AQP7: variants seen among roughly 807,000 people sequenced by gnomAD.
The protein encoded by AQP7 is aquaporin-7.
In AQP7, 22 loss-of-function variants were observed where a neutral mutation model predicts 26.1. The ratio of observed to expected loss-of-function variants is 0.84; its 90% CI spans 0.60 to 1.20. The LOEUF is 1.20. AQP7 is among the 50% of genes most tolerant of loss of function. The pLI, the probability that AQP7 is intolerant of heterozygous loss-of-function variation, is 0.00. For synonymous variants in AQP7, 167 were observed against 181.7 expected, an observed-to-expected ratio of 0.92 and a Z score of 0.65; for missense variants, 412 against 457.5, an observed-to-expected ratio of 0.90 and a Z score of 0.91.
At chr9:33,390,085 C>T (rs1825246830) in intron 3 of AQP7, among the ~76,000 whole-genome samples, 1 of 149,524 alleles carries the variant, frequency 6.7e-6, no homozygotes, top group South Asian at 2.1e-4. Flanking sequence ...CCAGTGTAGA[C>T]TCCTCTTCGA....
At position 33,395,161 on chromosome 9, in the gene AQP7, C is replaced by A; in HGVS notation, c.61G>T (p.Val21Leu). 1 of 1,613,964 alleles carries A rather than the reference C, an allele frequency of 6.2e-7. No individual in the cohort carries two copies. The highest frequency in any genetic ancestry group is 1.1e-5 in the South Asian group (1 of 91,082). ...TRGSKMVSWS[V>L]IAKIQEILQR... ...AGTATTTCCTGGATCTTTGCTATCA[C>A]GGACCAGGAGACCATTTTGGAGCCA... Residue 21 changes from valine to leucine, a missense_variant, in exon 3 of 8, where the codon GTG becomes TTG. By Grantham distance (32) the Val-to-Leu change is conservative. Coordinates refer to ENST00000297988, the MANE Select transcript of AQP7 (RefSeq NM_001170.3).
chr9:33,400,594 G>A (rs976172888), intron 2 of AQP7, among the ~76,000 whole-genome samples: 7 of 152,074 alleles, frequency 4.6e-5, no homozygotes, highest in African/African-American at 1.4e-4. Flanking sequence ...ACAGCCTGGC[G>A]AACATGGCGA....
chr9:33,392,738 A>G (rs1825523344), intron 3 of AQP7, among the ~76,000 whole-genome samples: 1 of 152,220 alleles, frequency 6.6e-6, no homozygotes, highest in Admixed American at 6.5e-5. Flanking sequence ...CTCACAGCTC[A>G]GGAGCCAAAG....
chr9:33,385,655 A>T lies in AQP7; in HGVS notation c.737T>A (p.Val246Asp). The change falls in exon 7 of 8, where the codon GTC (valine) becomes GAC (aspartate). Residue 246 changes from valine to aspartate, a missense_variant. Transcript: ENST00000297988. ...GCCTGGGCAGGGGCAGTACCTGAAG[A>T]CCTGTTTGCCCCAACCAGCAATGAA... ...FTFIAGWGKQ[V>D]FSNGENWWWV... 1 of 1,613,330 alleles carries T rather than the reference A, an allele frequency of 6.2e-7. No homozygotes were observed. The highest frequency in any genetic ancestry group is 1.1e-5 in the South Asian group (1 of 91,048).
At chr9:33,388,659 T>C (rs1367336692) in intron 3 of AQP7, among the ~76,000 whole-genome samples, 1 of 152,202 alleles carries the variant, frequency 6.6e-6, no homozygotes, top group Non-Finnish European at 1.5e-5. Flanking sequence ...ACCAATCTTA[T>C]GACTTAAGCA....
rs532502280 is a variant in AQP7 at position 33,391,767 on chromosome 9, C to T, written c.144+3311G>A. Among the ~76,000 whole-genome samples the T allele has an allele frequency of 1.8e-4, 27 of 152,322 alleles. No homozygotes were observed. In the East Asian group the frequency reaches 4.6e-3, roughly 26 times the overall value. ...GCCTGGCAACTAAAAATAACAACAACACAATGTCCGATATAGGCTTACACC... is the reference window on the plus strand; with the variant it reads ...GCCTGGCAACTAAAAATAACAACAATACAATGTCCGATATAGGCTTACACC... On this transcript the variant is annotated intron_variant, in intron 3 of 7. Transcript: ENST00000297988.
intron 3 of AQP7, chr9:33,394,398 C>G (rs1825670704): frequency 6.6e-6 from 1 of 152,410 alleles, no homozygotes. Context: ...ATGTCACTCC[C>G]CTGCTTGCCA....
chr9:33,395,241 T>G, intron 2 of AQP7, 46 bp from the exon 3 acceptor site: 2 of 1,522,932 alleles, frequency 1.3e-6, no homozygotes, highest in Non-Finnish European at 1.8e-6. Flanking sequence ...GACTCAAGTC[T>G]GCCTGCTGCC....
At chr9:33,393,585 C>T (rs1333735730) in intron 3 of AQP7, among the ~76,000 whole-genome samples, 1 of 152,224 alleles carries the variant, frequency 6.6e-6, no homozygotes, top group Non-Finnish European at 1.5e-5. Context: ...ACCCTGGACC[C>T]TGCATAAGAT....
chr9:33,393,430 G>T (rs1048555078), intron 3 of AQP7, among the ~76,000 whole-genome samples: 8 of 152,308 alleles, frequency 5.3e-5, no homozygotes, highest in Middle Eastern at 3.4e-3. Flanking sequence ...GTCAGGCTAA[G>T]AACCCCGGTG....
chr9:33,400,491 T>C (rs1456378746), intron 2 of AQP7, among the ~76,000 whole-genome samples: 1 of 152,028 alleles, frequency 6.6e-6, no homozygotes, highest in Non-Finnish European at 1.5e-5. Flanking sequence ...GCAAAGAAAG[T>C]CAGTGTGAGG....
intron 2 of AQP7, 179 bp from the exon 3 acceptor site, chr9:33,395,374 A>G: frequency 1.1e-5 from 7 of 616,876 alleles, no homozygotes; most frequent in South Asian, 7.8e-5. Context: ...CCACGGGGAC[A>G]TGGAGAGGAA....
chr9:33,384,892 G>A lies in AQP7; in HGVS notation c.*113C>T, dbSNP rs147930814. On this transcript the variant is annotated 3_prime_UTR_variant, in exon 8 of 8. Coordinates refer to ENST00000297988, the MANE Select transcript of AQP7 (RefSeq NM_001170.3). The stretch of plus-strand genomic sequence containing the variant: ...GCTAAGACATAGCCCTGGAGCTCCT[G>A]TAAGAACCCAGGAGGGAAGCCCAAC... The A allele has an allele frequency of 1.5e-6, 2 of 1,302,682 alleles. No individual in the cohort carries two copies. Among genetic ancestry groups the A allele is most frequent in the African/African-American group, 1.5e-5 (1 of 67,404 alleles). The allele number at this position is 1,302,682 out of a possible 1,614,324, so 80.7% of individuals were successfully genotyped here.
intron 2 of AQP7, chr9:33,395,487 A>G: frequency 2.5e-6 from 1 of 401,852 alleles, no homozygotes; most frequent in Non-Finnish European, 4.6e-6. Context: ...GGGAGCTGAA[A>G]GTGCAATCCA....
intron 5 of AQP7, 100 bp from the exon 6 acceptor site, chr9:33,386,295 CT>C (rs2118773968): frequency 6.3e-7 from 1 of 1,596,240 alleles, no homozygotes; most frequent in East Asian, 2.2e-5. Context: ...ATCTCCAAGG[CT>C]TTTTTCTCCC....
In AQP7 at chr9:33,395,161, C is replaced by T. The variant is rs766484596; in HGVS notation, c.61G>A (p.Val21Met). ...AGTATTTCCTGGATCTTTGCTATCA[C>T]GGACCAGGAGACCATTTTGGAGCCA... ...TRGSKMVSWS[V>M]IAKIQEILQR... is the part of the protein sequence containing the mutation. The change falls in exon 3 of 8, where the codon GTG becomes ATG. Residue 21 changes from valine to methionine, a missense_variant. Transcript: ENST00000297988. The T allele has an allele frequency of 3.0e-5, 48 of 1,613,846 alleles. No homozygotes were observed. The highest frequency in any genetic ancestry group is 4.5e-5 in the East Asian group (2 of 44,880).
At chr9:33,399,373 T>A (rs2118869915) in intron 2 of AQP7, among the ~76,000 whole-genome samples, 1 of 151,864 alleles carries the variant, frequency 6.6e-6, no homozygotes, top group African/African-American at 2.4e-5. Flanking sequence ...GGCAGGTGGA[T>A]CACTTGAGGT....
intron 2 of AQP7, chr9:33,395,585 C>T (rs2381013): frequency 3.7e-5 from 8 of 218,142 alleles, no homozygotes; most frequent in East Asian, 2.5e-4. Context: ...TCCGTCTGTC[C>T]GTCTGCCTAT....
chr9:33,401,413 A>G, intron 1 of AQP7, 126 bp from the exon 2 acceptor site: 1 of 781,230 alleles, frequency 1.3e-6, no homozygotes. Context: ...CCCTTAACCC[A>G]GCCAAGGAAC....
Sources: gnomAD v4.1 joint callset for allele counts (sites outside exome capture counted in the v4.1 genomes callset) on GRCh38, gnomAD v4.1.1 for gene constraint, MANE v1.5 for transcripts, NCBI Gene and HGNC (gene_info 2026-07-23, HGNC 2026-07-21) for gene names.